EDA: variants seen among roughly 807,000 people sequenced by gnomAD.
The protein encoded by EDA is ectodysplasin-A.
Under a neutral mutation model 23.6 loss-of-function variants are expected in EDA, and 2 were observed. The ratio of observed to expected loss-of-function variants is 0.08; its 90% CI spans 0.03 to 0.27. The LOEUF (loss-of-function observed/expected upper bound fraction) is 0.27. Ranked by LOEUF, EDA falls within the 10% of genes least tolerant of loss-of-function variation. EDA has a pLI of 1.00. For missense variants in EDA, 229 were observed against 324.2 expected, an observed-to-expected ratio of 0.71 and a Z score of 2.26; for synonymous variants, 131 against 132.0, an observed-to-expected ratio of 0.99 and a Z score of 0.05.
chrX:69,855,481 T>G (rs2147584325), intron 1 of EDA, among the ~76,000 whole-genome samples: 1 of 112,246 alleles, frequency 8.9e-6, no homozygotes, highest in African/African-American at 3.2e-5. Flanking sequence ...CATCTTTAAT[T>G]AATTTTTCTA....
chrX:70,006,280 G>A (rs1403677100), intron 2 of EDA, among the ~76,000 whole-genome samples: 1 of 112,097 alleles, frequency 8.9e-6, no homozygotes, highest in Non-Finnish European at 1.9e-5. Context: ...ACTATGTTTA[G>A]CTTTGTAAGA....
At chrX:69,762,415 CT>C (rs1046827576) in intron 1 of EDA, among the ~76,000 whole-genome samples, 3 of 112,058 alleles carry the variant, frequency 2.7e-5, no homozygotes, top group African/African-American at 9.7e-5. Context: ...CTTTTTCCCT[CT>C]GCGAGGAAGG....
chrX:69,624,650 T>C (rs1219298450), intron 1 of EDA, among the ~76,000 whole-genome samples: 2 of 111,301 alleles, frequency 1.8e-5, no homozygotes, highest in Non-Finnish European at 3.8e-5. Context: ...AAGGTTGACT[T>C]ACCCTTCCTT....
intron 1 of EDA, among the ~76,000 whole-genome samples, chrX:69,814,859 C>T (rs921268121): frequency 1.8e-5 from 2 of 111,802 alleles, no homozygotes; most frequent in South Asian, 3.8e-4. Flanking sequence ...GAGATCCCCT[C>T]GTGAACCCAT....
chrX:69,829,169 C>T (rs1160495310), intron 1 of EDA, among the ~76,000 whole-genome samples: 2 of 112,465 alleles, frequency 1.8e-5, no homozygotes, highest in East Asian at 5.6e-4. Context: ...TGAACCTTTT[C>T]TATCTTGTTC....
intron 1 of EDA, among the ~76,000 whole-genome samples, chrX:69,793,029 G>T (rs1318767859): frequency 8.9e-6 from 1 of 112,222 alleles, no homozygotes; most frequent in Non-Finnish European, 1.9e-5. Context: ...TCTTAGTCAT[G>T]AATTCTTTGC....
At chrX:69,880,150 G>T (rs2017722202) in intron 1 of EDA, among the ~76,000 whole-genome samples, 1 of 111,644 alleles carries the variant, frequency 9.0e-6, no homozygotes, top group Admixed American at 9.5e-5. Context: ...TTTCTAAATG[G>T]AAAGAGATTA....
At position 69,924,551 on chromosome X, in the gene EDA, C is replaced by T. The variant is rs776437552; in HGVS notation, c.397-32476C>T. On this transcript the variant is annotated intron_variant, in intron 1 of 7. Coordinates refer to ENST00000374552, the MANE Select transcript of EDA (RefSeq NM_001399.5). The stretch of plus-strand genomic sequence containing the variant: ...TACCGTGCTGTTTTGGTTACTGTAG[C>T]CTTGTAGTATAGTTTGAAGTCAGGT... 2.5e-3 allele frequency among the ~76,000 whole-genome samples: 275 copies of T among 111,548 alleles called. 2 individuals are homozygous for T. The highest frequency in any genetic ancestry group is 8.6e-3 in the African/African-American group (264 of 30,742).
At chrX:69,682,920 T>A (rs5936491) in intron 1 of EDA, among the ~76,000 whole-genome samples, 1 of 110,173 alleles carries the variant, frequency 9.1e-6, no homozygotes, top group Non-Finnish European at 1.9e-5. Flanking sequence ...CAACATGCAA[T>A]ACGTTATAGA....
rs745718191 is a variant in EDA at position 69,711,319 on chromosome X, A to G, written c.396+94615A>G. 2.7e-5 allele frequency among the ~76,000 whole-genome samples: 3 copies of G among 111,772 alleles called. No individual in the cohort carries two copies. In the East Asian group the frequency reaches 8.5e-4, roughly 32 times the overall value. ...TTTATTGATTTGTCTATGTTGAACC[A>G]GCCTTGCATCCCAGGGATGAAGCCC... is the stretch of plus-strand genomic sequence containing the variant. On this transcript the variant is annotated intron_variant, in intron 1 of 7. Coordinates refer to ENST00000374552, the MANE Select transcript of EDA (RefSeq NM_001399.5).
chrX:69,663,293 C>T (rs1175488528), intron 1 of EDA, among the ~76,000 whole-genome samples: 1 of 111,822 alleles, frequency 8.9e-6, no homozygotes, highest in Non-Finnish European at 1.9e-5. Context: ...TCCAGGGATC[C>T]CCCTGCTGTA....
At chrX:70,005,091 G>A (rs754390939) in intron 2 of EDA, among the ~76,000 whole-genome samples, 1 of 111,326 alleles carries the variant, frequency 9.0e-6, no homozygotes, top group African/African-American at 3.3e-5. Context: ...GCAAGACCAT[G>A]TATCAGGAAA....
chrX:69,894,195 G>A (rs997162576), intron 1 of EDA, among the ~76,000 whole-genome samples: 4 of 111,363 alleles, frequency 3.6e-5, no homozygotes, highest in Non-Finnish European at 7.5e-5. Context: ...TGTCGACTTT[G>A]TTGAAGATCA....
intron 1 of EDA, among the ~76,000 whole-genome samples, chrX:69,925,331 A>G (rs2018498687): frequency 2.7e-5 from 3 of 111,882 alleles, no homozygotes; most frequent in Non-Finnish European, 5.6e-5. Context: ...TTCCATCAAT[A>G]CTTAGTTTAT....
chrX:69,940,301 A>G (rs2018738805), intron 1 of EDA, among the ~76,000 whole-genome samples: 1 of 111,275 alleles, frequency 9.0e-6, no homozygotes, highest in Non-Finnish European at 1.9e-5. Context: ...GGATTTCATC[A>G]TGGTTCAATC....
At chrX:69,806,688 C>T (rs2015823256) in intron 1 of EDA, among the ~76,000 whole-genome samples, 1 of 110,619 alleles carries the variant, frequency 9.0e-6, no homozygotes. Flanking sequence ...TACCTTGACT[C>T]ACATGACAAT....
Position 69,649,853 on chromosome X carries a change from C to A in EDA, c.396+33149C>A, listed in dbSNP as rs113605409. ...CTGCCTACCTCGGCCTCCCAAAGTG[C>A]TGGGATTACAGGCATGAGCCACCAC... is the stretch of plus-strand genomic sequence containing the variant. On this transcript the variant is annotated intron_variant, in intron 1 of 7. Coordinates refer to ENST00000374552, the MANE Select transcript of EDA (RefSeq NM_001399.5). Among the ~76,000 whole-genome samples, 957 of 111,825 alleles carry A rather than the reference C, an allele frequency of 8.6e-3. 7 individuals carry two copies. Among genetic ancestry groups the A allele is most frequent in the African/African-American group, 0.029 (894 of 30,706 alleles).
At chrX:69,917,579 A>G (rs749011706) in intron 1 of EDA, among the ~76,000 whole-genome samples, 1 of 111,539 alleles carries the variant, frequency 9.0e-6, no homozygotes, top group South Asian at 3.8e-4. Flanking sequence ...ATGATCCTCA[A>G]ACCTTCCTTT....
At chrX:70,006,886 A>G (rs1437268684) in intron 2 of EDA, among the ~76,000 whole-genome samples, 2 of 110,467 alleles carry the variant, frequency 1.8e-5, no homozygotes, top group Non-Finnish European at 3.8e-5. Context: ...ATCTTATAAG[A>G]GTTTTATGGT....
Sources: gnomAD v4.1 joint callset for allele counts (sites outside exome capture counted in the v4.1 genomes callset) on GRCh38, gnomAD v4.1.1 for gene constraint, MANE v1.5 for transcripts, NCBI Gene and HGNC (gene_info 2026-07-23, HGNC 2026-07-21) for gene names.